USP12: variants seen among roughly 807,000 people sequenced by gnomAD.
USP12 encodes the protein ubiquitin specific peptidase 12.
In USP12, 19 loss-of-function variants were observed where a neutral mutation model predicts 45.5. The ratio of observed to expected loss-of-function variants is 0.42; its 90% confidence interval spans 0.29 to 0.61. USP12 has a LOEUF of 0.61. Ranked by LOEUF, USP12 falls within the 20% of genes least tolerant of loss-of-function variation. The pLI, the probability that USP12 is intolerant of heterozygous loss-of-function variation, is 0.22. For missense variants in USP12, 242 were observed against 447.7 expected, an observed-to-expected ratio of 0.54 and a Z score of 4.15; for synonymous variants, 149 against 148.8, an observed-to-expected ratio of 1.00 and a Z score of -0.01.
chr13:27,076,029 C>CAAAAAAAAAAAAAAA (rs11458818), intron 6 of USP12, among the ~76,000 whole-genome samples: 51 of 97,962 alleles, frequency 5.2e-4, no homozygotes, highest in Non-Finnish European at 7.9e-4. Flanking sequence ...GGCTCCGTCT[C>CAAAAAAAAAAAAAAA]AAAAAAAAAA....
intron 1 of USP12, among the ~76,000 whole-genome samples, chr13:27,138,498 G>C (rs752660030): frequency 4.3e-4 from 65 of 152,266 alleles, no homozygotes; most frequent in Non-Finnish European, 6.3e-4. Context: ...GCAAACACAT[G>C]AGCAGCTTGA....
At chr13:27,127,017 G>C (rs954756679) in intron 1 of USP12, among the ~76,000 whole-genome samples, 1 of 152,144 alleles carries the variant, frequency 6.6e-6, no homozygotes, top group Admixed American at 6.5e-5. Flanking sequence ...AATTTCTGTG[G>C]CTGGGAGGGA....
At chr13:27,159,873 A>G (rs1379199188) in intron 1 of USP12, among the ~76,000 whole-genome samples, 8 of 152,244 alleles carry the variant, frequency 5.3e-5, no homozygotes, top group African/African-American at 1.9e-4. Context: ...CTGAAATGGT[A>G]TAATAACTAC....
intron 7 of USP12, 146 bp from the exon 8 acceptor site, chr13:27,071,295 C>T: frequency 3.2e-6 from 2 of 617,674 alleles, no homozygotes; most frequent in African/African-American, 1.9e-5. Flanking sequence ...CCTATTCTTG[C>T]CAAAAGAGAT....
intron 2 of USP12, among the ~76,000 whole-genome samples, chr13:27,107,217 C>T (rs1426124570): frequency 6.6e-6 from 1 of 152,102 alleles, no homozygotes; most frequent in Non-Finnish European, 1.5e-5. Context: ...TCCAACTACT[C>T]AGGAGGCTGA....
At chr13:27,095,930 A>C in intron 3 of USP12, 100 bp from the exon 4 acceptor site, 1 of 803,276 alleles carries the variant, frequency 1.2e-6, no homozygotes, top group Non-Finnish European at 1.8e-6. Flanking sequence ...CAGAACTAAA[A>C]TATAAATGCA....
rs1470349716 is a variant in USP12 at position 27,098,318 on chromosome 13, T to C, written c.344-2488A>G. The stretch of plus-strand genomic sequence containing the variant: ...ACAAGTGACGAACAAGGATAATTAT[T>C]TGCATATTAATATCCAGACTATGTA... On this transcript the variant is annotated intron_variant, in intron 3 of 8. Coordinates refer to ENST00000282344, the MANE Select transcript of USP12 (RefSeq NM_182488.4). Among the ~76,000 whole-genome samples, 2 of 152,000 alleles carry C rather than the reference T, an allele frequency of 1.3e-5. 1 individual carries two copies. Among genetic ancestry groups the C allele is most frequent in the Non-Finnish European group, 2.9e-5 (2 of 68,012 alleles).
chr13:27,138,465 C>G (rs1876910379), intron 1 of USP12, among the ~76,000 whole-genome samples: 1 of 152,164 alleles, frequency 6.6e-6, no homozygotes, highest in Non-Finnish European at 1.5e-5. Flanking sequence ...CAGAAAACAC[C>G]TTTTATAGAG....
intron 3 of USP12, among the ~76,000 whole-genome samples, chr13:27,102,308 G>C (rs527738389): frequency 6.6e-6 from 1 of 152,274 alleles, no homozygotes; most frequent in South Asian, 2.1e-4. Context: ...CCTGTAAAGA[G>C]AGGACTCCAT....
chr13:27,166,279 T>C (rs1878341826), intron 1 of USP12, among the ~76,000 whole-genome samples: 1 of 152,226 alleles, frequency 6.6e-6, no homozygotes, highest in Admixed American at 6.5e-5. Flanking sequence ...AAAATTAGAT[T>C]ATTTAAATCT....
chr13:27,103,412 T>TAA (rs143113553), intron 3 of USP12, among the ~76,000 whole-genome samples: 3 of 151,796 alleles, frequency 2.0e-5, no homozygotes, highest in African/African-American at 7.3e-5. Flanking sequence ...GCTTTTCTAT[T>TAA]AAAAAAATGG....
intron 1 of USP12, among the ~76,000 whole-genome samples, chr13:27,156,718 G>C (rs566955057): frequency 6.6e-6 from 1 of 152,296 alleles, no homozygotes; most frequent in African/African-American, 2.4e-5. Context: ...GTACTCAGGA[G>C]GCTAAGGCAG....
rs1398910932 is a variant in USP12 at position 27,171,702 on chromosome 13, G to C, written c.-63C>G. On this transcript the variant is annotated 5_prime_UTR_variant, in exon 1 of 9. Coordinates refer to ENST00000282344, the MANE Select transcript of USP12 (RefSeq NM_182488.4). ...CGGCGGGCGGGGGAGGAGGGGAGCC[G>C]GGCCGCCCGCTCGCACCGCAGCCCG... 9.1e-5 allele frequency: 98 copies of C among 1,079,396 alleles called. No homozygotes were observed. Among genetic ancestry groups the C allele is most frequent in the Non-Finnish European group, 1.1e-4 (97 of 852,126 alleles). The allele number at this position is 1,079,396 out of a possible 1,614,324, so 66.9% of individuals were successfully genotyped here. A position where few individuals can be genotyped will look rare whatever the true frequency, so the allele number is the denominator to read the frequency against.
At chr13:27,163,768 T>TAAAAAAAAAAAAAAAAAAAAAAAAAAA (rs34384911) in intron 1 of USP12, among the ~76,000 whole-genome samples, 1 of 83,298 alleles carries the variant, frequency 1.2e-5, no homozygotes, top group Non-Finnish European at 2.3e-5. Flanking sequence ...AGACCTGTCT[T>TAAAAAAAAAAAAAAAAAAAAAAAAAAA]AAAAAAAAAA....
rs1877988512 is a variant in USP12 at position 27,159,216 on chromosome 13, A to G, written c.48+12376T>C. Among the ~76,000 whole-genome samples the G allele has an allele frequency of 3.3e-5, 5 of 152,348 alleles. No homozygotes were observed. The South Asian group carries it at 1.0e-3, about 32-fold the overall frequency. On this transcript the variant is annotated intron_variant, in intron 1 of 8. Coordinates refer to ENST00000282344, the MANE Select transcript of USP12 (RefSeq NM_182488.4). ...ATCACATTTTTCTTTAAGAGTATAT[A>G]CAGTTAAACCTGAATAATTTAATTC...
intron 1 of USP12, among the ~76,000 whole-genome samples, chr13:27,166,347 TGA>T (rs1189550307): frequency 9.9e-5 from 15 of 152,194 alleles, no homozygotes; most frequent in Admixed American, 9.8e-4. Flanking sequence ...AGATACTTCC[TGA>T]GACAATAAAA....
chr13:27,116,657 TTCAG>T, intron 1 of USP12, 61 bp from the exon 2 acceptor site: 1 of 1,522,976 alleles, frequency 6.6e-7, no homozygotes, highest in Non-Finnish European at 9.0e-7. Flanking sequence ...ATAATGACAC[TTCAG>T]TCAATGACAG....
chr13:27,170,651 G>A (rs1251727149), intron 1 of USP12, among the ~76,000 whole-genome samples: 1 of 152,250 alleles, frequency 6.6e-6, no homozygotes, highest in Non-Finnish European at 1.5e-5. Context: ...GGGACTTCCA[G>A]CGGGCATTAG....
At position 27,143,844 on chromosome 13, in the gene USP12, T is replaced by C. The variant is rs148661457; in HGVS notation, c.49-27248A>G. On this transcript the variant is annotated intron_variant, in intron 1 of 8. Coordinates refer to ENST00000282344, the MANE Select transcript of USP12 (RefSeq NM_182488.4). Reference sequence around the variant, plus strand: ...TAGAAGAGCAAATTAAAAGACACCATAAGGAAATGTTCAGACAAATCCAGA... The same window carrying C: ...TAGAAGAGCAAATTAAAAGACACCACAAGGAAATGTTCAGACAAATCCAGA... 1.6e-4 allele frequency among the ~76,000 whole-genome samples: 25 copies of C among 152,228 alleles called. No homozygotes were observed. The East Asian group carries it at 4.1e-3, about 25-fold the overall frequency.
Sources: allele counts gnomAD v4.1 joint callset (sites outside exome capture counted in the v4.1 genomes callset), GRCh38; gene constraint gnomAD v4.1.1; transcripts MANE v1.5; gene names NCBI Gene and HGNC (gene_info 2026-07-23, HGNC 2026-07-21).